The following WDR20 variants were observed in gnomAD, a reference collection of about 807,000 sequenced individuals.
WDR20 encodes the protein WD repeat domain 20, also known as WD repeat-containing protein 20.
Under a neutral mutation model 38.7 loss-of-function variants are expected in WDR20, and 3 were observed. That is an observed-to-expected ratio of 0.08 (90% confidence interval 0.04 to 0.20). The LOEUF (loss-of-function observed/expected upper bound fraction) is 0.20. WDR20 is among the 10% of genes least tolerant of loss of function. The pLI is 1.00. For synonymous variants in WDR20, 298 were observed against 285.6 expected, an observed-to-expected ratio of 1.04 and a Z score of -0.44; for missense variants, 559 against 727.7, an observed-to-expected ratio of 0.77 and a Z score of 2.67.
At chr14:102,165,630 T>G (rs1016691932) in intron 1 of WDR20, among the ~76,000 whole-genome samples, 2 of 150,270 alleles carry the variant, frequency 1.3e-5, no homozygotes, top group Non-Finnish European at 3.0e-5. Context: ...CTTTTTCTTT[T>G]CTTTTCTTTT....
intron 1 of WDR20, among the ~76,000 whole-genome samples, chr14:102,164,172 C>G (rs1370930596): frequency 6.6e-6 from 1 of 151,730 alleles, no homozygotes; most frequent in African/African-American, 2.4e-5. Flanking sequence ...TTTGCCACTC[C>G]TGGCATCCCT....
chr14:102,218,646 T>C (rs1433113308), downstream of WDR20, among the ~76,000 whole-genome samples: 2 of 151,940 alleles, frequency 1.3e-5, no homozygotes, highest in Non-Finnish European at 2.9e-5. Flanking sequence ...CTGGAGTATT[T>C]TTTTATCACT....
chr14:102,213,037 G>GC, downstream of WDR20: 1 of 990,812 alleles, frequency 1.0e-6, no homozygotes, highest in East Asian at 1.1e-4. Context: ...AAGGGGGCGA[G>GC]CTGGTCCCTG....
downstream of WDR20, chr14:102,223,696 A>G (rs1318737673): frequency 6.6e-6 from 1 of 152,358 alleles, no homozygotes; most frequent in Non-Finnish European, 1.5e-5. Flanking sequence ...CTTCTGTTAA[A>G]TTGGCTTAGT....
chr14:102,156,556 A>ATT (rs937733336), intron 1 of WDR20, among the ~76,000 whole-genome samples: 2 of 146,452 alleles, frequency 1.4e-5, no homozygotes, highest in Non-Finnish European at 1.5e-5. Context: ...TTAATGTAGA[A>ATT]TTTTTTTTTT....
chr14:102,175,731 G>A (rs551042015), intron 1 of WDR20, among the ~76,000 whole-genome samples: 1 of 152,276 alleles, frequency 6.6e-6, no homozygotes, highest in South Asian at 2.1e-4. Context: ...TTTTAGCAGT[G>A]TCTTGTAGTT....
chr14:102,215,246 G>T (rs534074888), downstream of WDR20, among the ~76,000 whole-genome samples: 17 of 152,198 alleles, frequency 1.1e-4, no homozygotes, highest in Non-Finnish European at 2.2e-4. Context: ...GCCAACTCCA[G>T]TCCGGGAGAA....
intron 1 of WDR20, among the ~76,000 whole-genome samples, chr14:102,145,846 A>G (rs548978822): frequency 1.1e-4 from 17 of 152,286 alleles, no homozygotes; most frequent in Admixed American, 3.3e-4. Flanking sequence ...GAACCTTCCT[A>G]CCTTCCCACA....
chr14:102,206,373 C>T (rs1184923223), intron 2 of WDR20, among the ~76,000 whole-genome samples: 1 of 152,196 alleles, frequency 6.6e-6, no homozygotes, highest in African/African-American at 2.4e-5. Flanking sequence ...GCTATAAATG[C>T]TGTTCATACC....
At chr14:102,184,699 G>T (rs1354707347) in intron 1 of WDR20, among the ~76,000 whole-genome samples, 3 of 152,166 alleles carry the variant, frequency 2.0e-5, no homozygotes, top group East Asian at 3.8e-4. Flanking sequence ...CTTTGTGACT[G>T]TGTGTCTCTT....
upstream of WDR20, chr14:102,139,695 A>G (rs2050220297): frequency 2.9e-6 from 2 of 679,850 alleles, no homozygotes; most frequent in African/African-American, 1.8e-5. Context: ...CCGGGGGAGG[A>G]GCCTGCGGAC....
At chr14:102,198,324 GC>G in intron 2 of WDR20, 1 of 313,434 alleles carries the variant, frequency 3.2e-6, no homozygotes, top group Non-Finnish European at 6.4e-6. Flanking sequence ...CACCATGTTG[GC>G]CAGGCTAGTC....
chr14:102,160,130 G>A (rs768239868), intron 1 of WDR20, among the ~76,000 whole-genome samples: 76 of 150,424 alleles, frequency 5.1e-4, no homozygotes, highest in Non-Finnish European at 8.4e-4. Context: ...ACTTGAATGC[G>A]CTCAAATTAT....
intron 1 of WDR20, among the ~76,000 whole-genome samples, chr14:102,146,279 C>T (rs770710397): frequency 9.2e-5 from 14 of 152,102 alleles, no homozygotes; most frequent in African/African-American, 3.4e-4. Flanking sequence ...ATTCTCCTGC[C>T]TCAGCCTCCG....
intron 2 of WDR20, among the ~76,000 whole-genome samples, chr14:102,205,034 T>C (rs1567045962): frequency 6.6e-6 from 1 of 152,164 alleles, no homozygotes; most frequent in Non-Finnish European, 1.5e-5. Flanking sequence ...ATTGCTTTGC[T>C]CCTGAAGCCA....
At chr14:102,150,600 C>A (rs956505760) in intron 1 of WDR20, among the ~76,000 whole-genome samples, 2 of 152,194 alleles carry the variant, frequency 1.3e-5, no homozygotes, top group Non-Finnish European at 1.5e-5. Context: ...CCTTTTACTA[C>A]CCTTTTTTGT....
upstream of WDR20, chr14:102,139,445 C>G: frequency 6.7e-7 from 1 of 1,497,356 alleles, no homozygotes; most frequent in Non-Finnish European, 8.9e-7. Context: ...GGCTCCGAAG[C>G]GGTGGCCGTC....
chr14:102,211,960 C>T (rs1376629746), downstream of WDR20, among the ~76,000 whole-genome samples: 2 of 152,134 alleles, frequency 1.3e-5, no homozygotes, highest in Non-Finnish European at 2.9e-5. The surrounding 1 kb of genome is among the most constrained non-coding windows in gnomAD (Gnocchi z 4.2). Context: ...GCCCGAGTAA[C>T]CAACGTGACC....
chr14:102,208,609 A>G lies in WDR20; in HGVS notation c.439A>G (p.Ile147Val). 6.2e-7 allele frequency: 1 copy of G among 1,605,738 alleles called. No homozygotes were observed. Among genetic ancestry groups the G allele is most frequent in the Non-Finnish European group, 8.5e-7 (1 of 1,173,602 alleles). The change falls in exon 3 of 3, where the codon ATA becomes GTA. Residue 147 changes from isoleucine (I) to valine (V), a missense_variant. By Grantham distance (29) the Ile-to-Val change is conservative (BLOSUM62 3). Transcript: ENST00000342702. The surrounding 1 kb of genome is among the most constrained non-coding windows in gnomAD (Gnocchi z 5.6). ...TTCTCCTTTGTCTTCACAGAGACTA[A>G]TAGACAAGTCACGAGTTACCTGTGT... is the stretch of plus-strand genomic sequence containing the variant. ...TSKLFNEERLIDKSRVTCVKW... is the reference protein window; with the variant it reads ...TSKLFNEERLVDKSRVTCVKW...
Sources: allele counts gnomAD v4.1 joint callset (sites outside exome capture counted in the v4.1 genomes callset), GRCh38; gene constraint gnomAD v4.1.1; non-coding constraint Gnocchi (gnomAD v3.1); transcripts MANE v1.5; gene names NCBI Gene and HGNC (gene_info 2026-07-23, HGNC 2026-07-21).